RAB30: variants seen among roughly 807,000 people sequenced by gnomAD.
The protein encoded by RAB30 is RAB30, member RAS oncogene family, also known as ras-related protein Rab-30.
RAB30 carries 9 observed loss-of-function variants against 25.1 expected under a neutral mutation model. That is an observed-to-expected ratio of 0.36 (90% CI 0.22 to 0.63). RAB30 has a LOEUF of 0.63. Among genes scored for constraint, RAB30 ranks in the 20% least tolerant of loss-of-function variants. RAB30 has a pLI of 0.69. For missense variants in RAB30, 140 were observed against 243.5 expected, an observed-to-expected ratio of 0.58 and a Z score of 2.83; for synonymous variants, 77 against 86.4, an observed-to-expected ratio of 0.89 and a Z score of 0.60.
intron 1 of RAB30, among the ~76,000 whole-genome samples, chr11:83,022,769 C>A (rs986099631): frequency 1.3e-5 from 2 of 151,982 alleles, no homozygotes; most frequent in Non-Finnish European, 2.9e-5. Flanking sequence ...AGTAAAAATA[C>A]CCCCTGGTCA....
intron 1 of RAB30, among the ~76,000 whole-genome samples, chr11:83,050,356 T>A (rs1167917592): frequency 6.6e-6 from 1 of 152,170 alleles, no homozygotes; most frequent in Admixed American, 6.5e-5. Context: ...CTACCCACAC[T>A]GTAAGAACCT....
chr11:82,996,068 T>C (rs552454027), intron 2 of RAB30, among the ~76,000 whole-genome samples: 3 of 152,346 alleles, frequency 2.0e-5, no homozygotes, highest in African/African-American at 7.2e-5. Flanking sequence ...TCCATGGCAG[T>C]TGACTGAGCC....
rs890886389 is a variant in RAB30, at chr11:83,065,325, G to A, written c.-9+6366C>T. Among the ~76,000 whole-genome samples, 5 of 152,182 alleles carry A rather than the reference G, an allele frequency of 3.3e-5. No individual in the cohort carries two copies. In the South Asian group the frequency reaches 8.3e-4, roughly 25 times the overall value. Reference sequence around the variant, plus strand: ...GGATCCCTTGAGCCTAGGAGGTAGAGGTTGCAGTGAGCTGTGATCACACCA... The same window carrying A: ...GGATCCCTTGAGCCTAGGAGGTAGAAGTTGCAGTGAGCTGTGATCACACCA... On this transcript the variant is annotated intron_variant, in intron 1 of 4. Coordinates refer to ENST00000527633, the MANE Select transcript of RAB30 (RefSeq NM_001286060.2).
At chr11:83,039,404 C>T (rs556680767) in intron 1 of RAB30, among the ~76,000 whole-genome samples, 6 of 152,282 alleles carry the variant, frequency 3.9e-5, no homozygotes, top group African/African-American at 7.2e-5. Flanking sequence ...CTCAGCTAAG[C>T]GCAGTGGCTC....
intron 1 of RAB30, among the ~76,000 whole-genome samples, chr11:83,018,297 CAAAAAAAAAAAA>C (rs904843218): frequency 2.9e-5 from 2 of 68,562 alleles, no homozygotes; most frequent in Admixed American, 3.3e-4. Flanking sequence ...GACTCCATCT[CAAAAAAAAAAAA>C]AAAAAAAAAA....
chr11:83,044,991 C>T (rs904311586), intron 1 of RAB30, among the ~76,000 whole-genome samples: 1 of 152,146 alleles, frequency 6.6e-6, no homozygotes, highest in African/African-American at 2.4e-5. Context: ...TTACTGTATA[C>T]ATTAATTCTC....
At chr11:82,999,037 C>T (rs1393597213) in intron 1 of RAB30, among the ~76,000 whole-genome samples, 1 of 152,128 alleles carries the variant, frequency 6.6e-6, no homozygotes, top group Non-Finnish European at 1.5e-5. Context: ...AAATGACTGA[C>T]AACCAAGCCA....
intron 1 of RAB30, among the ~76,000 whole-genome samples, chr11:83,045,154 G>C (rs926680085): frequency 4.6e-5 from 7 of 152,144 alleles, no homozygotes; most frequent in Admixed American, 4.6e-4. Flanking sequence ...CTCATCACCG[G>C]AAGTGTCAAC....
chr11:82,993,972 G>A, intron 3 of RAB30, 67 bp downstream of exon 3: 2 of 1,241,976 alleles, frequency 1.6e-6, no homozygotes, highest in Non-Finnish European at 2.3e-6. Context: ...AAATGGTTAT[G>A]AAAGCAGTAC....
At chr11:83,052,625 G>C (rs1471009589) in intron 1 of RAB30, among the ~76,000 whole-genome samples, 1 of 152,210 alleles carries the variant, frequency 6.6e-6, no homozygotes, top group African/African-American at 2.4e-5. Flanking sequence ...GCCCACAGGG[G>C]AACACGAGAG....
chr11:83,045,753 A>G (rs540744796), intron 1 of RAB30, among the ~76,000 whole-genome samples: 1 of 152,338 alleles, frequency 6.6e-6, no homozygotes, highest in South Asian at 2.1e-4. Context: ...GACTATACAT[A>G]TTATAGTAAC....
intron 3 of RAB30, 29 bp downstream of exon 3, chr11:82,994,010 A>G: frequency 6.5e-7 from 1 of 1,533,060 alleles, no homozygotes; most frequent in Non-Finnish European, 9.0e-7. Flanking sequence ...ATAGCACCTG[A>G]CAACCTTAGT....
intron 1 of RAB30, among the ~76,000 whole-genome samples, chr11:83,039,449 C>T (rs1312976690): frequency 1.3e-5 from 2 of 152,194 alleles, no homozygotes; most frequent in African/African-American, 4.8e-5. Context: ...GATGCCAAGG[C>T]AGGCAGATAA....
At position 83,061,714 on chromosome 11, in the gene RAB30, T is replaced by TC. The variant is rs1243622731; in HGVS notation, c.-9+9976_-9+9977insG. 1.3e-4 allele frequency among the ~76,000 whole-genome samples: 19 copies of TC among 142,696 alleles called. No individual in the cohort carries two copies. The Middle Eastern group carries it at 0.01, about 78-fold the overall frequency. 93.6% of individuals were successfully genotyped at this position (142,696 alleles called of 152,430 possible). ...TGGGATTTTTTTCTTTCTTTTCTTT[T>TC]TTTTTTTTTTTTTTTTTTTAAAGAT... On this transcript the variant is annotated intron_variant, in intron 1 of 4. Transcript: ENST00000527633.
chr11:83,025,635 C>T (rs955449413), intron 1 of RAB30, among the ~76,000 whole-genome samples: 3 of 152,100 alleles, frequency 2.0e-5, no homozygotes, highest in Non-Finnish European at 1.5e-5. Context: ...AGAAAAATAA[C>T]GTATAGCTGT....
At chr11:82,988,618 T>G (rs1856786916) in intron 3 of RAB30, among the ~76,000 whole-genome samples, 1 of 152,220 alleles carries the variant, frequency 6.6e-6, no homozygotes, top group South Asian at 2.1e-4. Context: ...TTCTAAGTCC[T>G]AATAACTAAT....
At position 83,042,313 on chromosome 11, in the gene RAB30, G is replaced by C. The variant is rs138202647; in HGVS notation, c.-9+29378C>G. 1.6e-3 allele frequency among the ~76,000 whole-genome samples: 236 copies of C among 152,208 alleles called. 2 individuals carry two copies. Among genetic ancestry groups the C allele is most frequent in the African/African-American group, 5.5e-3 (227 of 41,536 alleles). On this transcript the variant is annotated intron_variant, in intron 1 of 4. Coordinates refer to ENST00000527633, the MANE Select transcript of RAB30 (RefSeq NM_001286060.2). Reference sequence around the variant, plus strand: ...CATGCCTGTAATCCTAGCACTTTGGGAGGCCAAGGTGGGTGGATTGCCTGA... The same window carrying C: ...CATGCCTGTAATCCTAGCACTTTGGCAGGCCAAGGTGGGTGGATTGCCTGA...
rs558104562 is a variant in RAB30 at position 83,038,585 on chromosome 11, C to T, written c.-9+33106G>A. On this transcript the variant is annotated intron_variant, in intron 1 of 4. Coordinates refer to ENST00000527633, the MANE Select transcript of RAB30 (RefSeq NM_001286060.2). ...CCTGTAATCCCAGCACTTTGGGAGGCCAAGGCAGGCAGATCACCTGAGGTC... is the reference window on the plus strand; with the variant it reads ...CCTGTAATCCCAGCACTTTGGGAGGTCAAGGCAGGCAGATCACCTGAGGTC... Among the ~76,000 whole-genome samples the T allele has an allele frequency of 2.0e-5, 3 of 152,214 alleles. No individual in the cohort carries two copies. In the South Asian group the frequency reaches 6.2e-4, roughly 32 times the overall value.
intron 1 of RAB30, among the ~76,000 whole-genome samples, chr11:83,012,551 TTTATTA>T (rs1457725701): frequency 1.0e-3 from 154 of 152,314 alleles, no homozygotes; most frequent in African/African-American, 3.6e-3. Context: ...CATTTATTTA[TTTATTA>T]TTATTTTTAA....
Sources: gnomAD v4.1 joint callset for allele counts (sites outside exome capture counted in the v4.1 genomes callset) on GRCh38, gnomAD v4.1.1 for gene constraint, MANE v1.5 for transcripts, NCBI Gene and HGNC (gene_info 2026-07-23, HGNC 2026-07-21) for gene names.